Variants in CDH23 observed in about 807,000 individuals in gnomAD.
The protein encoded by CDH23 is cadherin related 23, also known as cadherin-23.
A neutral mutation model predicts 317.1 loss-of-function variants in CDH23; 189 were observed. The observed-to-expected ratio is 0.60, with a 90% CI of 0.53 to 0.67. The LOEUF is 0.67. Among genes scored for constraint, CDH23 ranks in the 30% least tolerant of loss-of-function variants. CDH23 has a pLI of 0.00. For missense variants in CDH23, 4,401 were observed against 4,592.4 expected (o/e 0.96, Z 1.20); for synonymous variants, 1,839 against 1,876.8 (o/e 0.98, Z 0.52).
chr10:71,488,064 G>A (rs980633637), intron 3 of CDH23, among the ~76,000 whole-genome samples: 1 of 152,166 alleles, frequency 6.6e-6, no homozygotes. Flanking sequence ...CTCAGCTATT[G>A]TCCACTAGGT....
chr10:71,729,981 C>T (rs1216037914), intron 30 of CDH23, among the ~76,000 whole-genome samples: 4 of 151,942 alleles, frequency 2.6e-5, no homozygotes, highest in Non-Finnish European at 4.4e-5. Flanking sequence ...ACTACAGGCG[C>T]CCGCCACCAC....
intron 8 of CDH23, among the ~76,000 whole-genome samples, chr10:71,573,246 C>T (rs1407980509): frequency 6.6e-6 from 1 of 152,176 alleles, no homozygotes; most frequent in Non-Finnish European, 1.5e-5. Context: ...CTTTCAGAGT[C>T]GTTGTAGTTG....
intron 3 of CDH23, among the ~76,000 whole-genome samples, chr10:71,491,166 T>C (rs1191565857): frequency 6.6e-6 from 1 of 152,122 alleles, no homozygotes; most frequent in Non-Finnish European, 1.5e-5. Flanking sequence ...CAGATTGAGA[T>C]TGATTGGTGG....
Position 71,709,118 on chromosome 10 carries a change from T to C in CDH23, c.3127T>C (p.Phe1043Leu), listed in dbSNP as rs770262353. ...FITGGNVDGK[F>L]SVGYRDAVVR... ...CACAGGTGGCAACGTGGATGGGAAG[T>C]TCAGCGTGGGTTACCGCGATGCCGT... The change falls in exon 27 of 70, where the codon TTC becomes CTC. Residue 1043 changes from phenylalanine (F) to leucine (L), a missense_variant. By Grantham distance (22) the Phe-to-Leu change is conservative. This residue lies in a region of CDH23 where 3,068 missense variants were observed against 3,203.3 expected (regional missense o/e 0.96). Transcript: ENST00000224721. 6.2e-7 allele frequency: 1 copy of C among 1,613,904 alleles called. No homozygotes were observed. Among genetic ancestry groups the C allele is most frequent in the South Asian group, 1.1e-5 (1 of 91,074 alleles).
Position 71,723,909 on chromosome 10 carries a change from C to G in CDH23, c.3370-136C>G, listed in dbSNP as rs560343704. 8.0e-5 allele frequency: 77 copies of G among 958,776 alleles called. No homozygotes were observed. In the East Asian group the frequency reaches 1.2e-3, roughly 15 times the overall value. 59.4% of individuals were successfully genotyped at this position (958,776 alleles called of 1,614,324 possible). A position where few individuals can be genotyped will look rare whatever the true frequency, so the allele number is the denominator to read the frequency against. ...TACACGTCCCCTTGTCTCCCACACC[C>G]CCAGCCTCTGAGGGAGACCACAGGT... On this transcript the variant is annotated intron_variant, in intron 28 of 69. Coordinates refer to ENST00000224721, the MANE Select transcript of CDH23 (RefSeq NM_022124.6).
chr10:71,493,539 G>A (rs997573216), intron 3 of CDH23, among the ~76,000 whole-genome samples: 3 of 143,506 alleles, frequency 2.1e-5, no homozygotes, highest in Non-Finnish European at 4.4e-5. Flanking sequence ...CATTTCCCCA[G>A]TTATTATTTC....
chr10:71,637,946 G>A (rs528894290), intron 11 of CDH23, among the ~76,000 whole-genome samples: 1 of 150,038 alleles, frequency 6.7e-6, no homozygotes, highest in South Asian at 2.1e-4. Flanking sequence ...AAGGAATTAA[G>A]ACCTCCTCCA....
chr10:71,655,419 G>A (rs1316053159), intron 14 of CDH23, among the ~76,000 whole-genome samples: 1 of 152,002 alleles, frequency 6.6e-6, no homozygotes, highest in African/African-American at 2.4e-5. Flanking sequence ...CCTTCCTATT[G>A]GAGACCATCA....
rs1167293435 is a variant in CDH23 at position 71,765,602 on chromosome 10, G to A, written c.4846-12078G>A. 2.0e-5 allele frequency among the ~76,000 whole-genome samples: 3 copies of A among 152,164 alleles called. No homozygotes were observed. The East Asian group carries it at 5.8e-4, about 29-fold the overall frequency. ...TACCCATAGCACCCGCAGCAGTAGG[G>A]AAGGGATGTTCTCCCCTGGAGGCAA... On this transcript the variant is annotated intron_variant, in intron 38 of 69. Coordinates refer to ENST00000224721, the MANE Select transcript of CDH23 (RefSeq NM_022124.6).
chr10:71,748,578 T>G (rs2132857991), intron 38 of CDH23: 1 of 152,398 alleles, frequency 6.6e-6, no homozygotes, highest in South Asian at 2.1e-4. Flanking sequence ...CCCTAATTCC[T>G]GATTGATCTC....
At chr10:71,805,721 G>A in intron 55 of CDH23, 85 bp from the exon 56 acceptor site, 1 of 1,355,206 alleles carries the variant, frequency 7.4e-7, no homozygotes, top group Non-Finnish European at 9.9e-7. Flanking sequence ...TGCTACGGCA[G>A]GAGAAAGAGC....
In CDH23 at chr10:71,702,532, C is replaced by T. The variant is rs377525739; in HGVS notation, c.2588-17C>T. The T allele has an allele frequency of 2.0e-5, 33 of 1,613,874 alleles. No individual in the cohort carries two copies. Among genetic ancestry groups the T allele is most frequent in the Non-Finnish European group, 2.7e-5 (32 of 1,179,836 alleles). ...TCTTACCCTGTCCTTGGCCCCTTCT[C>T]GCCCTGGTCTTCCCAGGTGGCAGGC... On this transcript the variant is annotated splice_polypyrimidine_tract_variant and intron_variant, in intron 23 of 69. Coordinates refer to ENST00000224721, the MANE Select transcript of CDH23 (RefSeq NM_022124.6).
chr10:71,727,351 T>A (rs1866861412), intron 30 of CDH23, among the ~76,000 whole-genome samples: 1 of 152,156 alleles, frequency 6.6e-6, no homozygotes, highest in African/African-American at 2.4e-5. Flanking sequence ...CACTGCCTCA[T>A]CCCCACAGGG....
At chr10:71,764,142 G>T (rs1251381930) in intron 38 of CDH23, among the ~76,000 whole-genome samples, 1 of 152,196 alleles carries the variant, frequency 6.6e-6, no homozygotes, top group Non-Finnish European at 1.5e-5. Context: ...GTTCCAGAGG[G>T]TATGATCTCA....
chr10:71,760,783 G>C, intron 38 of CDH23: 1 of 1,328,348 alleles, frequency 7.5e-7, no homozygotes, highest in Non-Finnish European at 1.1e-6. Context: ...GGGTGATGAG[G>C]CCAGAGTTCC....
rs759313457 is a variant in CDH23 at position 71,779,330 on chromosome 10, C to A, written c.5251C>A (p.Pro1751Thr). 5 of 1,614,002 alleles carry A rather than the reference C, an allele frequency of 3.1e-6. No homozygotes were observed. The highest frequency in any genetic ancestry group is 2.5e-6 in the Non-Finnish European group (3 of 1,179,890). The change falls in exon 41 of 70, where the codon CCA becomes ACA. Residue 1751 changes from proline to threonine, a missense_variant. This residue lies in a region of CDH23 where 3,068 missense variants were observed against 3,203.3 expected (regional missense o/e 0.96). Transcript: ENST00000224721. ...VPTFPRDYEG[P>T]FEVTEGQPGP... The stretch of plus-strand genomic sequence containing the variant: ...TACCTTCCCCCGGGACTATGAGGGA[C>A]CATTTGAAGTCACTGAGGGCCAGCC...
chr10:71,734,926 A>T (rs1221351978), intron 34 of CDH23, among the ~76,000 whole-genome samples: 1 of 152,234 alleles, frequency 6.6e-6, no homozygotes, highest in Non-Finnish European at 1.5e-5. Flanking sequence ...AGTCACTGGA[A>T]GACCACTGAG....
At chr10:71,730,663 A>T in intron 31 of CDH23, 59 bp downstream of exon 31, 1 of 1,599,166 alleles carries the variant, frequency 6.3e-7, no homozygotes, top group Admixed American at 1.7e-5. Context: ...TCCCCAGCTC[A>T]CCCAGCCCCT....
intron 3 of CDH23, among the ~76,000 whole-genome samples, chr10:71,458,347 G>A (rs1431170766): frequency 1.3e-5 from 2 of 152,224 alleles, no homozygotes; most frequent in Admixed American, 1.3e-4. Context: ...CCACATCTGA[G>A]CACAGTGCAT....
Sources: gnomAD v4.1 joint callset for allele counts (sites outside exome capture counted in the v4.1 genomes callset) on GRCh38, gnomAD v4.1.1 for gene constraint, gnomAD v4.1.1 regional missense constraint, MANE v1.5 for transcripts, NCBI Gene and HGNC (gene_info 2026-07-23, HGNC 2026-07-21) for gene names.